Variants in POMT2 observed in about 807,000 individuals in gnomAD.
The protein encoded by POMT2 is protein O-mannosyl-transferase 2.
POMT2 carries 75 observed loss-of-function variants against 100.0 expected under a neutral mutation model. The ratio of observed to expected loss-of-function variants is 0.75; its 90% CI spans 0.62 to 0.91. The LOEUF (loss-of-function observed/expected upper bound fraction) is 0.91, where lower values mean the gene tolerates loss of function less well. Ranked by LOEUF, POMT2 falls within the 40% of genes least tolerant of loss-of-function variation. The pLI is 0.00. For missense variants in POMT2, 940 were observed against 955.1 expected, an observed-to-expected ratio of 0.98 and a Z score of 0.21; for synonymous variants, 378 against 374.1, an observed-to-expected ratio of 1.01 and a Z score of -0.12.
intron 3 of POMT2, among the ~76,000 whole-genome samples, chr14:77,305,143 T>C (rs1439298652): frequency 1.3e-5 from 2 of 152,182 alleles, no homozygotes; most frequent in African/African-American, 2.4e-5. Context: ...AACACACAGA[T>C]AGTAATTGAT....
intron 2 of POMT2, among the ~76,000 whole-genome samples, chr14:77,311,349 C>T (rs1891429698): frequency 6.6e-6 from 1 of 152,182 alleles, no homozygotes; most frequent in Non-Finnish European, 1.5e-5. Flanking sequence ...GACAAATTCA[C>T]ATAACATAAC....
chr14:77,300,381 A>C (rs1386972997), intron 6 of POMT2: 1 of 154,968 alleles, frequency 6.5e-6, no homozygotes, highest in Non-Finnish European at 1.4e-5. Flanking sequence ...TCCCTACCTC[A>C]TAGGACTATT....
intron 2 of POMT2, chr14:77,308,714 C>A: frequency 4.6e-6 from 2 of 430,710 alleles, no homozygotes; most frequent in Middle Eastern, 3.4e-4. Context: ...GAAGAAAGCA[C>A]TGTCATACAC....
At position 77,301,116 on chromosome 14, in the gene POMT2, G is replaced by C; in HGVS notation, c.790C>G (p.Leu264Val). The change falls in exon 6 of 21, where the codon CTG becomes GTG. Residue 264 changes from leucine (L) to valine (V), a missense_variant. Physicochemically the swap from Leu to Val is conservative, Grantham distance 32. Coordinates refer to ENST00000261534, the MANE Select transcript of POMT2 (RefSeq NM_013382.7). Reference sequence around the variant, plus strand: ...AATGAAAGACTGAGGTCTCCGAACAGGTACCAAAGGTCTGCAATGGTGTTC... The same window carrying C: ...AATGAAAGACTGAGGTCTCCGAACACGTACCAAAGGTCTGCAATGGTGTTC... ...GLNTIADLWY[L>V]FGDLSLSLVT... The C allele has an allele frequency of 6.2e-7, 1 of 1,614,200 alleles. No homozygotes were observed. Among genetic ancestry groups the C allele is most frequent in the Non-Finnish European group, 8.5e-7 (1 of 1,180,034 alleles).
intron 5 of POMT2, among the ~76,000 whole-genome samples, chr14:77,302,014 A>C (rs1044540507): frequency 1.5e-4 from 23 of 152,162 alleles, no homozygotes; most frequent in African/African-American, 5.6e-4. Flanking sequence ...GTATGTACTC[A>C]AGAAATGGTA....
intron 9 of POMT2, among the ~76,000 whole-genome samples, chr14:77,295,801 C>T (rs919280743): frequency 2.6e-5 from 4 of 152,058 alleles, no homozygotes; most frequent in African/African-American, 7.2e-5. Flanking sequence ...TAGCAGGCAC[C>T]GTGCTAGGCA....
rs1039332345 is a variant in POMT2 at position 77,276,831 on chromosome 14, C to T, written c.*545G>A. On this transcript the variant is annotated 3_prime_UTR_variant, in exon 21 of 21. Coordinates refer to ENST00000261534, the MANE Select transcript of POMT2 (RefSeq NM_013382.7). The stretch of plus-strand genomic sequence containing the variant: ...GTTTGTGGGAGGGAGGGCAGCACAA[C>T]TTTGACAGTCCCATCTGCTCTGCCT... 3 of 155,186 alleles carry T rather than the reference C, an allele frequency of 1.9e-5. No individual in the cohort carries two copies. Among genetic ancestry groups the T allele is most frequent in the African/African-American group, 7.2e-5 (3 of 41,456 alleles). The allele number at this position is 155,186 out of a possible 1,614,324, so 9.6% of individuals were successfully genotyped here.
At position 77,277,089 on chromosome 14, in the gene POMT2, C is replaced by A; in HGVS notation, c.*287G>T. 2.1e-6 allele frequency: 1 copy of A among 487,116 alleles called. No homozygotes were observed. Among genetic ancestry groups the A allele is most frequent in the Non-Finnish European group, 3.8e-6 (1 of 264,958 alleles). 30.2% of individuals were successfully genotyped at this position (487,116 alleles called of 1,614,324 possible). ...ACATGCCCTCACATACACACACGCG[C>A]ACCCACTCCCACCCTCTGGCACCCA... On this transcript the variant is annotated 3_prime_UTR_variant, in exon 21 of 21. Transcript: ENST00000261534.
Position 77,302,917 on chromosome 14 carries a change from A to G in POMT2, c.574T>C (p.Tyr192His). The G allele has an allele frequency of 1.2e-6, 2 of 1,613,538 alleles. No individual in the cohort carries two copies. The highest frequency in any genetic ancestry group is 4.5e-5 in the East Asian group (2 of 44,886). ...ATCAGGATGGGGTCAAGGAGGATGT[A>G]CTGGGACAGAGTGAGGCATCCCGTG... is the stretch of plus-strand genomic sequence containing the variant. Reference protein sequence around the residue: ...FDTGCLTLSQYILLDPILMFF... With the variant: ...FDTGCLTLSQHILLDPILMFF... The change falls in exon 5 of 21, where the codon TAC becomes CAC. Residue 192 changes from tyrosine to histidine, a missense_variant. Physicochemically the swap from Tyr to His is moderately conservative, Grantham distance 83. Transcript: ENST00000261534.
rs775489616 is a variant in POMT2 at position 77,312,007 on chromosome 14, A to G, written c.275T>C (p.Met92Thr). The change falls in exon 2 of 21, where the codon ATG becomes ACG. Residue 92 changes from methionine (M) to threonine (T), a missense_variant. Coordinates refer to ENST00000261534, the MANE Select transcript of POMT2 (RefSeq NM_013382.7). ...TGTACGGTTGATATAGTAACTTCCC[A>G]TTTTTCCAAAGTGAGTCTCATCCCA... Reference protein sequence around the residue: ...ICWDETHFGKMGSYYINRTFF... With the variant: ...ICWDETHFGKTGSYYINRTFF... The G allele has an allele frequency of 1.9e-6, 3 of 1,614,082 alleles. No individual in the cohort carries two copies. In the Admixed American group the frequency reaches 5.0e-5, roughly 27 times the overall value.
rs1464432895 is a variant in POMT2 at position 77,320,842 on chromosome 14, G to C, written c.-161C>G. On this transcript the variant is annotated 5_prime_UTR_variant, in exon 1 of 21. Coordinates refer to ENST00000261534, the MANE Select transcript of POMT2 (RefSeq NM_013382.7). ...CCCCGGGCTCGGGGCGGGGCGGGCAGCGTGGTCGCGGCCCGGGCCGCTAGG... is the reference window on the plus strand; with the variant it reads ...CCCCGGGCTCGGGGCGGGGCGGGCACCGTGGTCGCGGCCCGGGCCGCTAGG... The C allele has an allele frequency of 2.2e-6, 3 of 1,342,610 alleles. No homozygotes were observed. The highest frequency in any genetic ancestry group is 2.9e-6 in the Non-Finnish European group (3 of 1,047,234). The allele number at this position is 1,342,610 out of a possible 1,614,324, so 83.2% of individuals were successfully genotyped here.
chr14:77,287,799 C>T (rs935006702), intron 11 of POMT2: 2 of 152,098 alleles, frequency 1.3e-5, no homozygotes, highest in African/African-American at 4.8e-5. Context: ...AGCCATGCAC[C>T]TAGGAGACAC....
At position 77,320,818 on chromosome 14, in the gene POMT2, C is replaced by G; in HGVS notation, c.-137G>C. 1 of 1,380,420 alleles carries G rather than the reference C, an allele frequency of 7.2e-7. No homozygotes were observed. 85.5% of individuals were successfully genotyped at this position (1,380,420 alleles called of 1,614,324 possible). A position where few individuals can be genotyped will look rare whatever the true frequency, so the allele number is the denominator to read the frequency against. On this transcript the variant is annotated 5_prime_UTR_variant, in exon 1 of 21. Coordinates refer to ENST00000261534, the MANE Select transcript of POMT2 (RefSeq NM_013382.7). ...CCTTCACTGCAGCGGAGCGCGGGGC[C>G]CCGGGCTCGGGGCGGGGCGGGCAGC...
intron 9 of POMT2, among the ~76,000 whole-genome samples, chr14:77,292,121 G>A (rs1038575459): frequency 3.3e-5 from 5 of 152,046 alleles, no homozygotes; most frequent in Non-Finnish European, 7.4e-5. Flanking sequence ...CAAATGAAAC[G>A]AAAAAGCTCC....
chr14:77,313,112 C>T (rs1214867583), intron 1 of POMT2, among the ~76,000 whole-genome samples: 1 of 152,212 alleles, frequency 6.6e-6, no homozygotes, highest in East Asian at 1.9e-4. Context: ...AGAGCCTGGC[C>T]TTTTCTATTT....
In POMT2 at chr14:77,307,917, C is replaced by T. The variant is rs551004586; in HGVS notation, c.334-1476G>A. ...TCGCTCTGTCACCCAGGCTGGAGTG[C>T]GGTGGCACAATCTCAGCTCACTGCA... On this transcript the variant is annotated intron_variant, in intron 2 of 20. Coordinates refer to ENST00000261534, the MANE Select transcript of POMT2 (RefSeq NM_013382.7). 6.2e-5 allele frequency among the ~76,000 whole-genome samples: 8 copies of T among 129,478 alleles called. No individual in the cohort carries two copies. In the South Asian group the frequency reaches 1.2e-3, roughly 19 times the overall value. The allele number at this position is 129,478 out of a possible 152,430, so 84.9% of individuals were successfully genotyped here.
chr14:77,306,210 C>T lies in POMT2; in HGVS notation c.438+127G>A, dbSNP rs1891223192. The T allele has an allele frequency of 8.0e-6, 12 of 1,505,538 alleles. No individual in the cohort carries two copies. The South Asian group carries it at 1.4e-4, about 18-fold the overall frequency. 93.3% of individuals were successfully genotyped at this position (1,505,538 alleles called of 1,614,324 possible). A position where few individuals can be genotyped will look rare whatever the true frequency, so the allele number is the denominator to read the frequency against. Reference sequence around the variant, plus strand: ...CACAGGGGAGGGTCTGATCATCCTCCCCTCTCCTCACCACCCAAAGTCCCT... The same window carrying T: ...CACAGGGGAGGGTCTGATCATCCTCTCCTCTCCTCACCACCCAAAGTCCCT... On this transcript the variant is annotated intron_variant, in intron 3 of 20. Transcript: ENST00000261534.
chr14:77,286,635 T>C (rs1890432746), intron 12 of POMT2, 109 bp downstream of exon 12: 4 of 1,511,948 alleles, frequency 2.6e-6, no homozygotes, highest in Non-Finnish European at 3.7e-6. Flanking sequence ...GTGCAGCCTC[T>C]TATCCTCAGG....
intron 15 of POMT2, among the ~76,000 whole-genome samples, chr14:77,282,041 G>A (rs546021800): frequency 5.9e-5 from 9 of 152,274 alleles, no homozygotes; most frequent in African/African-American, 7.2e-5. Flanking sequence ...ACAGCTGCAC[G>A]GCCCCAGCGT....
Sources: gnomAD v4.1 joint callset for allele counts (sites outside exome capture counted in the v4.1 genomes callset) on GRCh38, gnomAD v4.1.1 for gene constraint, MANE v1.5 for transcripts, NCBI Gene and HGNC (gene_info 2026-07-23, HGNC 2026-07-21) for gene names.